MB21D2: variants seen among roughly 807,000 people sequenced by gnomAD.
MB21D2 encodes nucleotidyltransferase MB21D2.
Under a neutral mutation model 33.3 loss-of-function variants are expected in MB21D2, and 9 were observed. That is an observed-to-expected ratio of 0.27 (90% CI 0.16 to 0.47). MB21D2 has a LOEUF of 0.47. Among genes scored for constraint, MB21D2 ranks in the 20% least tolerant of loss-of-function variants. The pLI, the probability that MB21D2 is intolerant of heterozygous loss-of-function variation, is 0.99. For missense variants in MB21D2, 540 were observed against 624.6 expected (o/e 0.86, Z 1.44); for synonymous variants, 241 against 236.3 (o/e 1.02, Z -0.18).
At chr3:192,895,233 C>T (rs1713940959) in intron 1 of MB21D2, among the ~76,000 whole-genome samples, 1 of 152,152 alleles carries the variant, frequency 6.6e-6, no homozygotes, top group Non-Finnish European at 1.5e-5. Flanking sequence ...ACCCATGTCA[C>T]CACCTTCACC....
intron 1 of MB21D2, among the ~76,000 whole-genome samples, chr3:192,835,965 A>G (rs1404952788): frequency 6.6e-6 from 1 of 152,144 alleles, no homozygotes; most frequent in Admixed American, 6.5e-5. Flanking sequence ...TCTGGAGATG[A>G]AAAAAAGTCC....
intron 1 of MB21D2, among the ~76,000 whole-genome samples, chr3:192,843,841 C>T (rs1422074736): frequency 1.3e-5 from 2 of 152,140 alleles, no homozygotes; most frequent in East Asian, 1.9e-4. Flanking sequence ...AGTACCTACA[C>T]AGCCCCCAGC....
At chr3:192,817,873 C>T (rs1348334880) in intron 1 of MB21D2, among the ~76,000 whole-genome samples, 1 of 150,836 alleles carries the variant, frequency 6.6e-6, no homozygotes, top group Non-Finnish European at 1.5e-5. Flanking sequence ...TAGCCAAGGC[C>T]TCCCCCACTC....
intron 1 of MB21D2, among the ~76,000 whole-genome samples, chr3:192,841,160 G>A (rs1317346304): frequency 6.6e-6 from 1 of 152,242 alleles, no homozygotes; most frequent in Non-Finnish European, 1.5e-5. Context: ...CACTTTGGAT[G>A]AAGTAAGGGA....
At chr3:192,892,790 T>C (rs1319399541) in intron 1 of MB21D2, among the ~76,000 whole-genome samples, 2 of 151,986 alleles carry the variant, frequency 1.3e-5, no homozygotes, top group Non-Finnish European at 2.9e-5. Flanking sequence ...CCCAGGCTAA[T>C]ATTATAGCAA....
At chr3:192,834,390 G>C (rs1712387633) in intron 1 of MB21D2, among the ~76,000 whole-genome samples, 1 of 146,728 alleles carries the variant, frequency 6.8e-6, no homozygotes, top group Admixed American at 6.8e-5. Flanking sequence ...AAGGACATGA[G>C]GACTGAGGAA....
At chr3:192,859,011 G>A (rs147853917) in intron 1 of MB21D2, among the ~76,000 whole-genome samples, 2 of 152,240 alleles carry the variant, frequency 1.3e-5, no homozygotes, top group South Asian at 2.1e-4. Context: ...TGATTTTAAG[G>A]TTGAGAAAAC....
chr3:192,916,938 G>T (rs977941683), intron 1 of MB21D2, among the ~76,000 whole-genome samples: 10 of 152,304 alleles, frequency 6.6e-5, no homozygotes, highest in South Asian at 2.1e-4. Flanking sequence ...GGAAGAGCTG[G>T]GAATTAAGAA....
In MB21D2 at chr3:192,799,699, TA is replaced by T. The variant is rs774354817; in HGVS notation, c.212-50del. 14 of 1,546,300 alleles carry T rather than the reference TA, an allele frequency of 9.1e-6. No homozygotes were observed. The highest frequency in any genetic ancestry group is 1.7e-4 in the Middle Eastern group (1 of 5,822). ...AACACTATTACAGGAAACACAGACA[TA>T]AGAGTCTTATGCATGAAACAGAATG... On this transcript the variant is annotated intron_variant, in intron 1 of 1. Transcript: ENST00000392452. The surrounding 1 kb of genome is among the most constrained non-coding windows in gnomAD (Gnocchi z 4.1).
intron 1 of MB21D2, among the ~76,000 whole-genome samples, chr3:192,834,389 A>T (rs1351052909): frequency 6.7e-6 from 1 of 150,230 alleles, no homozygotes; most frequent in East Asian, 2.0e-4. Flanking sequence ...TAAGGACATG[A>T]GGACTGAGGA....
intron 1 of MB21D2, among the ~76,000 whole-genome samples, chr3:192,868,509 TAA>T (rs1420742799): frequency 2.6e-5 from 4 of 151,600 alleles, no homozygotes; most frequent in Non-Finnish European, 4.4e-5. Flanking sequence ...AAGTTTGTAT[TAA>T]GTTTTTTTTT....
chr3:192,898,580 A>G (rs1008389772), intron 1 of MB21D2, among the ~76,000 whole-genome samples: 1 of 152,208 alleles, frequency 6.6e-6, no homozygotes, highest in African/African-American at 2.4e-5. Flanking sequence ...GAACCACCCA[A>G]TTGCCCAAGT....
In MB21D2 at chr3:192,798,296, G is replaced by A; in HGVS notation, c.*90C>T. 4.3e-6 allele frequency: 6 copies of A among 1,411,520 alleles called. No homozygotes were observed. Among genetic ancestry groups the A allele is most frequent in the African/African-American group, 1.4e-5 (1 of 70,124 alleles). The allele number at this position is 1,411,520 out of a possible 1,614,324, so 87.4% of individuals were successfully genotyped here. On this transcript the variant is annotated 3_prime_UTR_variant, in exon 2 of 2. Transcript: ENST00000392452. This position sits in a 1 kb window ranked among gnomAD's most constrained non-coding sequence, Gnocchi z 4.8. ...GTTCTTAACAAATCCAATCTAGGCT[G>A]GATATGTAAAAAACAGAAAGATAGC...
intron 1 of MB21D2, among the ~76,000 whole-genome samples, chr3:192,880,530 A>C (rs1713537499): frequency 6.6e-6 from 1 of 152,062 alleles, no homozygotes; most frequent in Non-Finnish European, 1.5e-5. Flanking sequence ...TCTGGCGTCC[A>C]GTGAGCCTTC....
At position 192,831,089 on chromosome 3, in the gene MB21D2, G is replaced by A. The variant is rs116809805; in HGVS notation, c.212-31439C>T. On this transcript the variant is annotated intron_variant, in intron 1 of 1. Coordinates refer to ENST00000392452, the MANE Select transcript of MB21D2 (RefSeq NM_178496.4). ...TGTGTGGCAAATCAAATAGGTAAAC[G>A]TGATAGTATGAGACTTCTGAAGCTA... is the stretch of plus-strand genomic sequence containing the variant. 4.1e-3 allele frequency among the ~76,000 whole-genome samples: 617 copies of A among 152,300 alleles called. 3 individuals are homozygous for A. The highest frequency in any genetic ancestry group is 0.014 in the African/African-American group (596 of 41,556).
At chr3:192,800,117 A>C (rs1217519904) in intron 1 of MB21D2, among the ~76,000 whole-genome samples, 1 of 152,010 alleles carries the variant, frequency 6.6e-6, no homozygotes, top group Non-Finnish European at 1.5e-5. Context: ...TCTATTGCCT[A>C]AGCGGTTTTC....
chr3:192,801,271 G>C (rs1332312101), intron 1 of MB21D2, among the ~76,000 whole-genome samples: 1 of 152,124 alleles, frequency 6.6e-6, no homozygotes, highest in Non-Finnish European at 1.5e-5. Context: ...TTGATTCTCT[G>C]ACAAACTACC....
chr3:192,799,164 T>C lies in MB21D2; in HGVS notation c.698A>G (p.Tyr233Cys), dbSNP rs1035474590. 1.9e-6 allele frequency: 3 copies of C among 1,614,066 alleles called. No individual in the cohort carries two copies. The highest frequency in any genetic ancestry group is 1.7e-6 in the Non-Finnish European group (2 of 1,180,042). The change falls in exon 2 of 2, where the codon TAT becomes TGT. Residue 233 changes from tyrosine to cysteine, a missense_variant. Tyr to Cys is a radical substitution (Grantham distance 194). Transcript: ENST00000392452. This position sits in a 1 kb window ranked among gnomAD's most constrained non-coding sequence, Gnocchi z 4.1. The stretch of plus-strand genomic sequence containing the variant: ...GAAAGATACCACAGGGACAATATCA[T>C]ACAACATGCGACTACTCCCTACACC... Reference protein sequence around the residue: ...ILGVGSSRMLYDIVPVVSFKG... With the variant: ...ILGVGSSRMLCDIVPVVSFKG...
intron 1 of MB21D2, among the ~76,000 whole-genome samples, chr3:192,838,697 G>A (rs1255283818): frequency 6.6e-6 from 1 of 152,096 alleles, no homozygotes; most frequent in Non-Finnish European, 1.5e-5. Flanking sequence ...CAAAGTGCTG[G>A]GATTACAGGT....
Sources: allele counts gnomAD v4.1 joint callset (sites outside exome capture counted in the v4.1 genomes callset), GRCh38; gene constraint gnomAD v4.1.1; non-coding constraint Gnocchi (gnomAD v3.1); transcripts MANE v1.5; gene names NCBI Gene and HGNC (gene_info 2026-07-23, HGNC 2026-07-21).